Variants in SLC14A2 observed in about 807,000 individuals in gnomAD.
SLC14A2 encodes the protein solute carrier family 14 member 2.
In SLC14A2, 91 loss-of-function variants were observed where a neutral mutation model predicts 104.6. The ratio of observed to expected loss-of-function variants is 0.87; its 90% CI spans 0.73 to 1.04. The LOEUF is 1.04. SLC14A2 is among the 50% of genes least tolerant of loss of function. SLC14A2 has a pLI of 0.00. For missense variants in SLC14A2, 1,189 were observed against 1,156.0 expected, an observed-to-expected ratio of 1.03 and a Z score of -0.41; for synonymous variants, 476 against 466.4, an observed-to-expected ratio of 1.02 and a Z score of -0.27.
At chr18:45,376,908 C>T (rs1310392021) in intron 1 of SLC14A2, among the ~76,000 whole-genome samples, 2 of 152,172 alleles carry the variant, frequency 1.3e-5, no homozygotes, top group Non-Finnish European at 2.9e-5. Flanking sequence ...TTACTTTCTA[C>T]CCATTTCTTC....
chr18:45,233,691 T>C (rs190624606), intron 1 of SLC14A2, among the ~76,000 whole-genome samples: 5 of 152,222 alleles, frequency 3.3e-5, no homozygotes, highest in Non-Finnish European at 5.9e-5. Flanking sequence ...CCTTATTGCC[T>C]CCCGAGGTGG....
At chr18:45,606,748 CAAAACAAAAACAAA>C (rs1568296040) in intron 2 of SLC14A2, among the ~76,000 whole-genome samples, 1 of 87,804 alleles carries the variant, frequency 1.1e-5, no homozygotes, top group African/African-American at 5.1e-5. Flanking sequence ...AAAAAAAAAA[CAAAACAAAAACAAA>C]AAAAAAAAAC....
At chr18:45,493,708 C>T (rs1906173231) in intron 2 of SLC14A2, among the ~76,000 whole-genome samples, 1 of 152,218 alleles carries the variant, frequency 6.6e-6, no homozygotes, top group African/African-American at 2.4e-5. Flanking sequence ...AAATTACCTT[C>T]TATGATTTGC....
chr18:45,391,733 A>C (rs1037995813), intron 1 of SLC14A2, among the ~76,000 whole-genome samples: 5 of 152,150 alleles, frequency 3.3e-5, no homozygotes, highest in Non-Finnish European at 5.9e-5. Context: ...TCTTTTGAGA[A>C]GTGTCTGTTC....
chr18:45,398,753 A>T (rs931500312), intron 1 of SLC14A2, among the ~76,000 whole-genome samples: 1 of 152,158 alleles, frequency 6.6e-6, no homozygotes, highest in Non-Finnish European at 1.5e-5. Context: ...CCACCCAACC[A>T]ACTTAGGGCA....
chr18:45,545,135 A>G (rs28654293), intron 2 of SLC14A2, among the ~76,000 whole-genome samples: 4,199 of 152,326 alleles, frequency 0.028, 184 homozygotes, highest in African/African-American at 0.096. Flanking sequence ...TTGTTATATT[A>G]TGTATCCCAA....
chr18:45,361,305 A>C (rs1327776146), intron 1 of SLC14A2, among the ~76,000 whole-genome samples: 1 of 152,146 alleles, frequency 6.6e-6, no homozygotes, highest in Non-Finnish European at 1.5e-5. Flanking sequence ...TTTTGTTATA[A>C]GGGGGTGGCC....
chr18:45,363,450 C>A lies in SLC14A2; in HGVS notation c.-124-119783C>A, dbSNP rs192975948. On this transcript the variant is annotated intron_variant, in intron 1 of 20. Transcript: ENST00000586448. ...CTCGCATGAACTTGGCAGCCTGGCC[C>A]CGAGAAACTTGGAGACAATGCCACT... Among the ~76,000 whole-genome samples, 314 of 152,172 alleles carry A rather than the reference C, an allele frequency of 2.1e-3. 3 individuals carry two copies. The highest frequency in any genetic ancestry group is 4.9e-3 in the African/African-American group (205 of 41,508).
chr18:45,656,522 G>T lies in SLC14A2; in HGVS notation c.1352-7263G>T, dbSNP rs562639069. 3.9e-5 allele frequency among the ~76,000 whole-genome samples: 6 copies of T among 152,324 alleles called. No individual in the cohort carries two copies. In the South Asian group the frequency reaches 1.2e-3, roughly 32 times the overall value. On this transcript the variant is annotated intron_variant, in intron 10 of 19. Transcript: ENST00000255226. ...GGTCTAGCCGCTGAAGCTAAGAATG[G>T]ATTGAAAGAGGAAAGATCAAAATTA...
At chr18:45,332,255 C>T (rs138604071) in intron 1 of SLC14A2, among the ~76,000 whole-genome samples, 3 of 151,938 alleles carry the variant, frequency 2.0e-5, no homozygotes, top group Admixed American at 2.0e-4. Flanking sequence ...AACTGTGGAT[C>T]AAAAATATTT....
chr18:45,471,956 C>T (rs1439336072), intron 1 of SLC14A2, among the ~76,000 whole-genome samples: 2 of 152,002 alleles, frequency 1.3e-5, no homozygotes, highest in African/African-American at 2.4e-5. Flanking sequence ...TATACACGTG[C>T]CATGGTGGTT....
intron 1 of SLC14A2, among the ~76,000 whole-genome samples, chr18:45,404,316 A>C (rs1019823043): frequency 2.6e-5 from 4 of 152,210 alleles, no homozygotes; most frequent in Non-Finnish European, 5.9e-5. Flanking sequence ...TGTATTATGT[A>C]ATAGTAAGGC....
At chr18:45,310,951 C>A (rs1253447863) in intron 1 of SLC14A2, among the ~76,000 whole-genome samples, 1 of 152,072 alleles carries the variant, frequency 6.6e-6, no homozygotes, top group African/African-American at 2.4e-5. Flanking sequence ...CCTAGAGGGG[C>A]CTGGGACAAT....
intron 2 of SLC14A2, among the ~76,000 whole-genome samples, chr18:45,488,747 C>T (rs2087661739): frequency 6.6e-6 from 1 of 152,180 alleles, no homozygotes; most frequent in South Asian, 2.1e-4. Flanking sequence ...GAAGTGCTCT[C>T]ACATTACATC....
intron 1 of SLC14A2, among the ~76,000 whole-genome samples, chr18:45,234,938 T>C (rs1183293252): frequency 6.6e-6 from 1 of 152,190 alleles, no homozygotes; most frequent in African/African-American, 2.4e-5. Context: ...GTTAGTAAAG[T>C]ACATCACACA....
intron 1 of SLC14A2, among the ~76,000 whole-genome samples, chr18:45,271,819 G>A (rs550129704): frequency 1.1e-3 from 168 of 151,908 alleles, no homozygotes; most frequent in African/African-American, 3.9e-3. Context: ...ATATCGAACC[G>A]CAAAAGACCC....
At chr18:45,313,178 A>G (rs1332389358) in intron 1 of SLC14A2, among the ~76,000 whole-genome samples, 2 of 152,204 alleles carry the variant, frequency 1.3e-5, no homozygotes, top group Admixed American at 6.5e-5. Context: ...GACTAATTTG[A>G]TGAGCTGAGG....
At chr18:45,279,627 G>C (rs79633975) in intron 1 of SLC14A2, among the ~76,000 whole-genome samples, 2,279 of 152,162 alleles carry the variant, frequency 0.015, 84 homozygotes, top group East Asian at 0.089. Flanking sequence ...AGATCTTTTT[G>C]CCAGGAGAGT....
At chr18:45,406,072 A>G (rs941349145) in intron 1 of SLC14A2, among the ~76,000 whole-genome samples, 5 of 152,208 alleles carry the variant, frequency 3.3e-5, no homozygotes, top group African/African-American at 1.2e-4. Context: ...TGTTGTTCTC[A>G]TAAGAGAATT....
Sources: allele counts gnomAD v4.1 joint callset (sites outside exome capture counted in the v4.1 genomes callset), GRCh38; gene constraint gnomAD v4.1.1; transcripts MANE v1.5; gene names NCBI Gene and HGNC (gene_info 2026-07-23, HGNC 2026-07-21).